FBXL18: variants seen among roughly 807,000 people sequenced by gnomAD.
FBXL18 encodes F-box/LRR-repeat protein 18.
In FBXL18, 36 loss-of-function variants were observed where a neutral mutation model predicts 46.0. The observed-to-expected ratio is 0.78, with a 90% CI of 0.60 to 1.03. The LOEUF (loss-of-function observed/expected upper bound fraction) is 1.03. Among genes scored for constraint, FBXL18 ranks in the 50% least tolerant of loss-of-function variants. FBXL18 has a pLI of 0.00. For missense variants in FBXL18, 977 were observed against 1,004.1 expected (o/e 0.97, Z 0.36); for synonymous variants, 557 against 465.3 (o/e 1.20, Z -2.54).
chr7:5,500,872 T>C lies in FBXL18; in HGVS notation c.1397A>G (p.Gln466Arg). 6.3e-7 allele frequency: 1 copy of C among 1,599,892 alleles called. No homozygotes were observed. Among genetic ancestry groups the C allele is most frequent in the Non-Finnish European group, 8.5e-7 (1 of 1,171,604 alleles). Residue 466 changes from glutamine to arginine, a missense_variant, in exon 3 of 5, where the codon CAG (glutamine) becomes CGG (arginine). Transcript: ENST00000382368. ...CACGGAGGAGGGCTGGGGGCACGCC[T>C]GGCCCGAGAAGGGGCTGGGACAGGA... ...VQSCPSPFSGQACPQPSSVFW... is the reference protein window; with the variant it reads ...VQSCPSPFSGRACPQPSSVFW...
At chr7:5,499,454 G>A (rs764394453) in intron 3 of FBXL18, among the ~76,000 whole-genome samples, 2 of 152,176 alleles carry the variant, frequency 1.3e-5, no homozygotes, top group East Asian at 1.9e-4. Context: ...CTTGCCAGGC[G>A]TGGTGACTTA....
In FBXL18 at chr7:5,481,853, G is replaced by C; in HGVS notation, c.2079C>G (p.Asp693Glu). The C allele has an allele frequency of 6.2e-7, 1 of 1,613,868 alleles. No individual in the cohort carries two copies. The highest frequency in any genetic ancestry group is 8.5e-7 in the Non-Finnish European group (1 of 1,179,976). Reference protein sequence around the residue: ...LHEGLTDVIRDVPLVHLDEIT... With the variant: ...LHEGLTDVIREVPLVHLDEIT... ...TCTCATCCAGGTGCACCAGGGGGAC[G>C]TCCCGGATGACGTCGGTCAGGCCCT... Residue 693 changes from aspartate (D) to glutamate (E), a missense_variant, in exon 5 of 5, where the codon GAC becomes GAG. Coordinates refer to ENST00000382368, the MANE Select transcript of FBXL18 (RefSeq NM_024963.6).
chr7:5,474,308 TC>T (rs1233219147), downstream of FBXL18, among the ~76,000 whole-genome samples: 11 of 122,486 alleles, frequency 9.0e-5, no homozygotes, highest in Non-Finnish European at 1.7e-4. Context: ...ACTGTGCAGT[TC>T]GTTTTTTTTT....
intron 4 of FBXL18, among the ~76,000 whole-genome samples, chr7:5,464,816 C>T (rs1422016568): frequency 2.0e-5 from 3 of 149,784 alleles, no homozygotes. Context: ...GTAATCCCAG[C>T]ACTTTGGGAG....
intron 1 of FBXL18, among the ~76,000 whole-genome samples, chr7:5,508,608 CAAA>C (rs553020796): frequency 7.4e-6 from 1 of 135,776 alleles, no homozygotes; most frequent in Non-Finnish European, 1.6e-5. Flanking sequence ...GACCTTGTCT[CAAA>C]AAAAAAAAAA....
At chr7:5,512,106 G>T (rs1352243188) in intron 1 of FBXL18, among the ~76,000 whole-genome samples, 2 of 150,294 alleles carry the variant, frequency 1.3e-5, no homozygotes, top group Non-Finnish European at 3.0e-5. Context: ...TTAGCTGGGC[G>T]TGGTGGCGGG....
intron 4 of FBXL18, among the ~76,000 whole-genome samples, chr7:5,467,827 G>A (rs1783365051): frequency 6.6e-6 from 1 of 152,094 alleles, no homozygotes; most frequent in African/African-American, 2.4e-5. Flanking sequence ...CTTTCCTTAG[G>A]AGACTGACTC....
At chr7:5,508,704 G>T (rs1436007793) in intron 1 of FBXL18, among the ~76,000 whole-genome samples, 1 of 152,074 alleles carries the variant, frequency 6.6e-6, no homozygotes, top group Non-Finnish European at 1.5e-5. Flanking sequence ...CCAAATCAGG[G>T]ACAACCTTTA....
intron 1 of FBXL18, among the ~76,000 whole-genome samples, chr7:5,512,109 G>A (rs557001802): frequency 3.3e-5 from 5 of 150,656 alleles, no homozygotes; most frequent in Non-Finnish European, 7.4e-5. Context: ...GCTGGGCGTG[G>A]TGGCGGGCGC....
intron 1 of FBXL18, among the ~76,000 whole-genome samples, chr7:5,512,645 A>G (rs2908428): frequency 0.55 from 83,895 of 152,032 alleles, 25,161 homozygotes; most frequent in African/African-American, 0.81. Flanking sequence ...AGGGGGCTTT[A>G]AGCTGTAATT....
chr7:5,491,526 G>T, intron 3 of FBXL18, 77 bp from the exon 4 acceptor site: 2 of 1,242,284 alleles, frequency 1.6e-6, no homozygotes, highest in Non-Finnish European at 2.2e-6. Context: ...TGGAGGTGCT[G>T]CCAGTGGAAG....
downstream of FBXL18, among the ~76,000 whole-genome samples, chr7:5,474,311 T>G (rs1313842082): frequency 2.6e-4 from 10 of 39,102 alleles, no homozygotes; most frequent in Non-Finnish European, 4.9e-4. Context: ...GTGCAGTTCG[T>G]TTTTTTTTTT....
rs757023382 is a variant in FBXL18, at chr7:5,501,242, G to C, written c.1027C>G (p.Arg343Gly). The C allele has an allele frequency of 6.2e-7, 1 of 1,613,152 alleles. No homozygotes were observed. Among genetic ancestry groups the C allele is most frequent in the Non-Finnish European group, 8.5e-7 (1 of 1,179,814 alleles). Residue 343 changes from arginine to glycine, a missense_variant, in exon 3 of 5, where the codon CGG becomes GGG. Arg to Gly is a moderately radical substitution (Grantham distance 125). Transcript: ENST00000382368. ...QQVINGGKDL[R>G]SLASLNLSGC... ...CTGAGGTTCAAGCTGGCCAGGCTCC[G>C]CAGGTCCTTCCCGCCGTTGATGACC... is the stretch of plus-strand genomic sequence containing the variant.
At position 5,478,842 on chromosome 7, in the gene FBXL18, C is replaced by T. The variant is rs1051847400; in HGVS notation, c.*2933G>A. Reference sequence around the variant, plus strand: ...TGTGCACACACAGGGCACAGGTACCCGCAGGCACACGTGCACGCAGGCACA... The same window carrying T: ...TGTGCACACACAGGGCACAGGTACCTGCAGGCACACGTGCACGCAGGCACA... On this transcript the variant is annotated 3_prime_UTR_variant, in exon 5 of 5. Coordinates refer to ENST00000382368, the MANE Select transcript of FBXL18 (RefSeq NM_024963.6). 1 of 152,044 alleles carries T rather than the reference C, an allele frequency of 6.6e-6. No individual in the cohort carries two copies. The highest frequency in any genetic ancestry group is 1.5e-5 in the Non-Finnish European group (1 of 68,042). 9.4% of individuals were successfully genotyped at this position (152,044 alleles called of 1,614,324 possible).
At chr7:5,495,215 G>A (rs1189188809) in intron 3 of FBXL18, among the ~76,000 whole-genome samples, 1 of 152,204 alleles carries the variant, frequency 6.6e-6, no homozygotes. Context: ...GACTCTGTGG[G>A]CATGAAAGGT....
intron 4 of FBXL18, among the ~76,000 whole-genome samples, chr7:5,488,625 A>G (rs1395545805): frequency 6.6e-6 from 1 of 152,310 alleles, no homozygotes; most frequent in Middle Eastern, 3.4e-3. Flanking sequence ...TCCCTTCAAC[A>G]AAACACCCAC....
At chr7:5,470,148 C>T (rs545841595) in intron 4 of FBXL18, among the ~76,000 whole-genome samples, 16 of 152,114 alleles carry the variant, frequency 1.1e-4, no homozygotes, top group Admixed American at 7.2e-4. Flanking sequence ...CGGGCAGTGA[C>T]GCTGGGGCAC....
intron 1 of FBXL18, among the ~76,000 whole-genome samples, chr7:5,509,701 CAAAAAAA>C (rs761762119): frequency 1.5e-5 from 1 of 65,484 alleles, no homozygotes; most frequent in East Asian, 5.0e-4. Context: ...GATTCCATCT[CAAAAAAA>C]AAAAAAAAAA....
chr7:5,466,667 G>C (rs1210677549), intron 4 of FBXL18, among the ~76,000 whole-genome samples: 1 of 152,198 alleles, frequency 6.6e-6, no homozygotes, highest in Non-Finnish European at 1.5e-5. Context: ...ATGGGATCTG[G>C]GGACTGGGGC....
Sources: allele counts gnomAD v4.1 joint callset (sites outside exome capture counted in the v4.1 genomes callset), GRCh38; gene constraint gnomAD v4.1.1; transcripts MANE v1.5; gene names NCBI Gene and HGNC (gene_info 2026-07-23, HGNC 2026-07-21).